CNTN4: variants seen among roughly 807,000 people sequenced by gnomAD.
CNTN4 encodes the protein contactin-4.
CNTN4 carries 77 observed loss-of-function variants against 122.5 expected under a neutral mutation model. The ratio of observed to expected loss-of-function variants is 0.63; its 90% confidence interval spans 0.52 to 0.76. The LOEUF (loss-of-function observed/expected upper bound fraction) is 0.76. Ranked by LOEUF, CNTN4 falls within the 30% of genes least tolerant of loss-of-function variation. The pLI is 0.00. For synonymous variants in CNTN4, 512 were observed against 447.0 expected (o/e 1.15, Z -1.83); for missense variants, 1,256 against 1,259.1 (o/e 1.00, Z 0.04).
chr3:2,884,929 G>A (rs1239230975), intron 9 of CNTN4, among the ~76,000 whole-genome samples: 1 of 152,162 alleles, frequency 6.6e-6, no homozygotes, highest in African/African-American at 2.4e-5. Flanking sequence ...TTAAGAGCAG[G>A]AAGACTACAT....
At chr3:2,950,967 T>C (rs898134365) in intron 13 of CNTN4, among the ~76,000 whole-genome samples, 8 of 152,346 alleles carry the variant, frequency 5.3e-5, no homozygotes, top group Admixed American at 3.3e-4. Context: ...TAAATACATA[T>C]ATGATGAATG....
chr3:2,977,195 C>T (rs1161715811), intron 13 of CNTN4, among the ~76,000 whole-genome samples: 2 of 152,174 alleles, frequency 1.3e-5, no homozygotes, highest in South Asian at 4.1e-4. Context: ...AAGACAATGC[C>T]TTTCTCATAA....
intron 24 of CNTN4, 53 bp from the exon 25 acceptor site, chr3:3,056,067 C>T (rs1416638638): frequency 2.1e-6 from 3 of 1,414,418 alleles, no homozygotes; most frequent in Non-Finnish European, 3.0e-6. Flanking sequence ...GGCCCCTCTT[C>T]CCTTTGAAGC....
chr3:2,567,344 C>T (rs756837380), intron 3 of CNTN4, among the ~76,000 whole-genome samples: 20 of 150,688 alleles, frequency 1.3e-4, no homozygotes, highest in Middle Eastern at 3.4e-3. Flanking sequence ...CCTCGGCCTC[C>T]CAAAGTGCTG....
intron 3 of CNTN4, among the ~76,000 whole-genome samples, chr3:2,520,767 G>T (rs2077183636): frequency 6.6e-6 from 1 of 152,128 alleles, no homozygotes; most frequent in Non-Finnish European, 1.5e-5. Flanking sequence ...AGAGAACACA[G>T]TGCTGGGCTG....
intron 3 of CNTN4, among the ~76,000 whole-genome samples, chr3:2,493,257 T>C (rs1402175560): frequency 2.0e-5 from 3 of 152,042 alleles, no homozygotes; most frequent in African/African-American, 7.3e-5. Flanking sequence ...TCTAAGATAA[T>C]TGACTCAATG....
At chr3:2,970,260 G>T (rs114046224) in intron 13 of CNTN4, among the ~76,000 whole-genome samples, 1 of 151,558 alleles carries the variant, frequency 6.6e-6, no homozygotes, top group Non-Finnish European at 1.5e-5. Flanking sequence ...ACACCCGGCC[G>T]ATTCTTTCAT....
chr3:2,647,368 C>T (rs1328677823), intron 4 of CNTN4, among the ~76,000 whole-genome samples: 2 of 149,236 alleles, frequency 1.3e-5, no homozygotes, highest in Admixed American at 6.8e-5. Context: ...GCAACGAGAG[C>T]GAAACTCATC....
intron 3 of CNTN4, among the ~76,000 whole-genome samples, chr3:2,514,303 G>A (rs1197638839): frequency 6.6e-6 from 1 of 152,066 alleles, no homozygotes; most frequent in African/African-American, 2.4e-5. Flanking sequence ...TGTGAAGCAA[G>A]GAATGCAGTT....
At chr3:2,614,058 A>C (rs1004227737) in intron 4 of CNTN4, among the ~76,000 whole-genome samples, 1 of 152,220 alleles carries the variant, frequency 6.6e-6, no homozygotes, top group African/African-American at 2.4e-5. Flanking sequence ...CAGAGAAGTC[A>C]ACAAAAACAA....
Position 2,167,577 on chromosome 3 carries a change from T to A in CNTN4, c.-145+66938T>A, listed in dbSNP as rs546289489. Reference sequence around the variant, plus strand: ...GAAATTTTAATACATCTCTCAGAATTGGACTAGTCAAAAAAATCCAAGACA... The same window carrying A: ...GAAATTTTAATACATCTCTCAGAATAGGACTAGTCAAAAAAATCCAAGACA... On this transcript the variant is annotated intron_variant, in intron 2 of 24. Transcript: ENST00000418658. Among the ~76,000 whole-genome samples the A allele has an allele frequency of 2.0e-5, 3 of 152,286 alleles. No homozygotes were observed. The East Asian group carries it at 5.8e-4, about 29-fold the overall frequency.
rs1303587366 is a variant in CNTN4 at position 2,473,239 on chromosome 3, A to AC, written c.-88-98177_-88-98176insC. 2.1e-4 allele frequency among the ~76,000 whole-genome samples: 19 copies of AC among 90,986 alleles called. No homozygotes were observed. In the Admixed American group the frequency reaches 2.3e-3, roughly 11 times the overall value. 59.7% of individuals were successfully genotyped at this position (90,986 alleles called of 152,430 possible). A position where few individuals can be genotyped will look rare whatever the true frequency, so the allele number is the denominator to read the frequency against. ...AGAGCAAAACTCCATCTCAAAAAAA[A>AC]AAAAAAAAAAAAACACCTGCCAGCA... is the stretch of plus-strand genomic sequence containing the variant. On this transcript the variant is annotated intron_variant, in intron 3 of 24. Transcript: ENST00000418658.
intron 2 of CNTN4, among the ~76,000 whole-genome samples, chr3:2,270,357 A>G (rs1264430856): frequency 6.6e-6 from 1 of 151,998 alleles, no homozygotes; most frequent in Non-Finnish European, 1.5e-5. Flanking sequence ...TTATTTTGTC[A>G]CCCAGGTACT....
chr3:2,791,257 C>A (rs1366157489), intron 6 of CNTN4, among the ~76,000 whole-genome samples: 1 of 152,190 alleles, frequency 6.6e-6, no homozygotes, highest in Non-Finnish European at 1.5e-5. Context: ...ACTGACTGGG[C>A]ATGGCGGCTC....
chr3:2,122,028 G>A (rs773740094), intron 2 of CNTN4, among the ~76,000 whole-genome samples: 10 of 147,374 alleles, frequency 6.8e-5, no homozygotes, highest in Admixed American at 1.4e-4. Context: ...TGGTGGCGGC[G>A]CCTGTAGTCC....
At chr3:2,342,106 G>A (rs1275098001) in intron 3 of CNTN4, among the ~76,000 whole-genome samples, 1 of 152,194 alleles carries the variant, frequency 6.6e-6, no homozygotes, top group African/African-American at 2.4e-5. Context: ...CATCAACTAA[G>A]TAAAAATAAT....
At chr3:3,039,739 C>T (rs1286320152) in intron 19 of CNTN4, 8 of 389,600 alleles carry the variant, frequency 2.1e-5, no homozygotes, top group South Asian at 1.2e-4. Flanking sequence ...TTCAGGAGAC[C>T]GATGTCCAGT....
At chr3:2,344,352 T>C (rs545516784) in intron 3 of CNTN4, among the ~76,000 whole-genome samples, 5 of 151,298 alleles carry the variant, frequency 3.3e-5, no homozygotes, top group Non-Finnish European at 4.4e-5. Context: ...CTCGGCTCAC[T>C]GCAACCTCTA....
chr3:2,671,371 G>A (rs1032370010), intron 4 of CNTN4, among the ~76,000 whole-genome samples: 8 of 152,030 alleles, frequency 5.3e-5, no homozygotes, highest in Non-Finnish European at 7.3e-5. Context: ...CTTTCTTCCA[G>A]TTGATCGAAT....
Sources: allele counts gnomAD v4.1 joint callset (sites outside exome capture counted in the v4.1 genomes callset), GRCh38; gene constraint gnomAD v4.1.1; transcripts MANE v1.5; gene names NCBI Gene and HGNC (gene_info 2026-07-23, HGNC 2026-07-21).